TET2: variants seen among roughly 807,000 people sequenced by gnomAD.
The protein encoded by TET2 is tet methylcytosine dioxygenase 2, also known as methylcytosine dioxygenase TET2.
Under a neutral mutation model 142.9 loss-of-function variants are expected in TET2, and 299 were observed. The observed-to-expected ratio is 2.09, with a 90% CI of 1.90 to 2.30. TET2 has a LOEUF of 2.30. TET2 is among the 30% of genes most tolerant of loss of function. The pLI, the probability that TET2 is intolerant of heterozygous loss-of-function variation, is 0.00. For missense variants in TET2, 2,418 were observed against 2,378.0 expected (o/e 1.02, Z -0.35); for synonymous variants, 819 against 849.0 (o/e 0.96, Z 0.61).
At chr4:105,257,572 GATTAGCCTTT>G (rs1730203248) in intron 6 of TET2, among the ~76,000 whole-genome samples, 1 of 152,064 alleles carries the variant, frequency 6.6e-6, no homozygotes, top group Non-Finnish European at 1.5e-5. Flanking sequence ...TGCAGCTCTG[GATTAGCCTTT>G]ATTCCCTGCT....
chr4:105,274,877 A>G (rs1731121908), intron 10 of TET2, among the ~76,000 whole-genome samples, 171 bp from the exon 11 acceptor site: 1 of 152,172 alleles, frequency 6.6e-6, no homozygotes, highest in Non-Finnish European at 1.5e-5. Context: ...TAGACAAAAA[A>G]TTGTGCTGGA....
Position 105,240,218 on chromosome 4 carries a change from T to A in TET2, c.3410-1121T>A, listed in dbSNP as rs530186316. ...ATGCTGTTGAAAAAAATGACACTGA[T>A]AGACATACTTAACACGTGGGATTGC... On this transcript the variant is annotated intron_variant, in intron 3 of 10. Transcript: ENST00000380013. 19 of 368,570 alleles carry A rather than the reference T, an allele frequency of 5.2e-5. 1 individual carries two copies. The highest frequency in any genetic ancestry group is 4.0e-4 in the African/African-American group (19 of 46,968). The allele number at this position is 368,570 out of a possible 1,614,324, so 22.8% of individuals were successfully genotyped here.
At chr4:105,241,494 A>G (rs2110249689) in intron 4 of TET2, 65 bp downstream of exon 4, 1 of 1,508,746 alleles carries the variant, frequency 6.6e-7, no homozygotes, top group East Asian at 2.5e-5. Context: ...GAATTTTTCC[A>G]GCCTTCACAC....
At chr4:105,201,512 T>C (rs1726464042) in intron 2 of TET2, among the ~76,000 whole-genome samples, 1 of 152,204 alleles carries the variant, frequency 6.6e-6, no homozygotes, top group Admixed American at 6.5e-5. Context: ...TATCAGTTGC[T>C]AACATTTAAA....
At position 105,235,755 on chromosome 4, in the gene TET2, T is replaced by TA; in HGVS notation, c.1814dup (p.Tyr605Ter). 1 of 1,614,052 alleles carries TA rather than the reference T, an allele frequency of 6.2e-7. No individual in the cohort carries two copies. Among genetic ancestry groups the TA allele is most frequent in the Non-Finnish European group, 8.5e-7 (1 of 1,179,988 alleles). Reference protein sequence around the residue: ...NLSNQMTSKQYTGNSNMPGGL... With the variant: ...NLSNQMTSKQ ...CTCCAATCAAATGACCTCCAAACAA[T>TA]ACACTGGAAATTCCAACATGCCTGG... is the stretch of plus-strand genomic sequence containing the variant. The change falls in exon 3 of 11, where the codon TAC becomes TAAC. Residue 605 changes from tyrosine to a stop codon, truncating the protein, a stop_gained and frameshift_variant. Transcript: ENST00000380013. LOFTEE classifies it high-confidence loss of function.
At chr4:105,224,081 C>T (rs180844622) in intron 2 of TET2, among the ~76,000 whole-genome samples, 69 of 151,666 alleles carry the variant, frequency 4.5e-4, no homozygotes, top group Non-Finnish European at 7.8e-4. Context: ...ACTCTTTTGT[C>T]CCCTTGAAAA....
chr4:105,263,212 A>G (rs1018205131), intron 8 of TET2, among the ~76,000 whole-genome samples: 1 of 152,210 alleles, frequency 6.6e-6, no homozygotes, highest in Non-Finnish European at 1.5e-5. Context: ...CGCTAAATAA[A>G]GATCTTTGAA....
intron 2 of TET2, 24 bp downstream of exon 2, chr4:105,190,529 A>G (rs1244704542): frequency 2.9e-6 from 2 of 696,748 alleles, no homozygotes; most frequent in Non-Finnish European, 2.6e-6. Flanking sequence ...GACAGTTGAC[A>G]CTTGTTTGTC....
At position 105,272,900 on chromosome 4, in the gene TET2, CAG is replaced by C; in HGVS notation, c.4520_4521del (p.Gln1507ArgfsTer2). 1 of 1,533,494 alleles carries C rather than the reference CAG, an allele frequency of 6.5e-7. No individual in the cohort carries two copies. The highest frequency in any genetic ancestry group is 8.8e-7 in the Non-Finnish European group (1 of 1,139,942). The allele number at this position is 1,533,494 out of a possible 1,614,324, so 95.0% of individuals were successfully genotyped here. A position where few individuals can be genotyped will look rare whatever the true frequency, so the allele number is the denominator to read the frequency against. ...TACAAAACAAACTGAAAACGCAAGCCAGGCTAAACAGTTGGCAGGTAAATTTA... is the reference window on the plus strand; with the variant it reads ...TACAAAACAAACTGAAAACGCAAGCCGCTAAACAGTTGGCAGGTAAATTTA... ...SRTKQTENAS[Q>X]AKQLAELLRL... On this transcript the variant is annotated frameshift_variant, in exon 10 of 11. Transcript: ENST00000380013. LOFTEE classifies it low-confidence loss of function (END_TRUNC).
chr4:105,159,784 G>A (rs1723751420), intron 1 of TET2, among the ~76,000 whole-genome samples: 1 of 152,114 alleles, frequency 6.6e-6, no homozygotes, highest in African/African-American at 2.4e-5. Context: ...GGGAGGCCAA[G>A]GCGGGTGGCA....
rs2110311476 is a variant in TET2 at position 105,275,094 on chromosome 4, C to T, written c.4584C>T (p.Pro1528=). The change falls in exon 11 of 11, where the codon CCC becomes CCT. Residue 1528 remains proline, a synonymous_variant. Coordinates refer to ENST00000380013, the MANE Select transcript of TET2 (RefSeq NM_001127208.3). ...SGPVMQQSQQ[P]QPLQKQPPQP... ...CAGTCATGCAGCAGTCCCAGCAGCC[C>T]CAGCCTCTACAGAAGCAGCCACCAC... 1 of 1,550,422 alleles carries T rather than the reference C, an allele frequency of 6.4e-7. No individual in the cohort carries two copies. Among genetic ancestry groups the T allele is most frequent in the South Asian group, 1.2e-5 (1 of 83,788 alleles).
chr4:105,223,638 G>A (rs1317813470), intron 2 of TET2, among the ~76,000 whole-genome samples: 4 of 152,148 alleles, frequency 2.6e-5, no homozygotes, highest in Non-Finnish European at 5.9e-5. Context: ...CTTGAAATAA[G>A]TGTATAATTG....
chr4:105,220,720 G>A (rs574660916), intron 2 of TET2, among the ~76,000 whole-genome samples: 31 of 152,272 alleles, frequency 2.0e-4, no homozygotes, highest in African/African-American at 7.5e-4. Flanking sequence ...CCGAATACTG[G>A]CTTTCTTGAC....
chr4:105,193,123 G>A lies in TET2; in HGVS notation c.-47+2618G>A, dbSNP rs1211131258. Among the ~76,000 whole-genome samples, 4 of 152,176 alleles carry A rather than the reference G, an allele frequency of 2.6e-5. No individual in the cohort carries two copies. The East Asian group carries it at 7.7e-4, about 29-fold the overall frequency. ...AGCAAGGTCCATCTGGACTATAACA[G>A]AGGAGGCTTCACAAAGGAAGGTGAC... is the stretch of plus-strand genomic sequence containing the variant. On this transcript the variant is annotated intron_variant, in intron 2 of 10. Coordinates refer to ENST00000380013, the MANE Select transcript of TET2 (RefSeq NM_001127208.3).
chr4:105,241,750 T>C, intron 4 of TET2: 1 of 1,253,396 alleles, frequency 8.0e-7, no homozygotes, highest in Non-Finnish European at 1.0e-6. Flanking sequence ...GGTCCCACTC[T>C]GGCTTTCCCA....
chr4:105,246,841 C>CT (rs1729607251), intron 6 of TET2, among the ~76,000 whole-genome samples: 7 of 152,228 alleles, frequency 4.6e-5, no homozygotes, highest in Admixed American at 4.6e-4. Flanking sequence ...GAAAAGAACT[C>CT]TGAGTGCATC....
Position 105,275,717 on chromosome 4 carries a change from C to T in TET2, c.5207C>T (p.Ala1736Val), listed in dbSNP as rs2110314265. ...THEMDGHFMGATSRLPPNLSN... is the reference protein window; with the variant it reads ...THEMDGHFMGVTSRLPPNLSN... ...GAGATGGATGGCCACTTCATGGGAG[C>T]CACCTCTAGATTACCACCCAATCTG... The change falls in exon 11 of 11, where the codon GCC (alanine) becomes GTC (valine). Residue 1736 changes from alanine to valine, a missense_variant. Coordinates refer to ENST00000380013, the MANE Select transcript of TET2 (RefSeq NM_001127208.3). 1 of 1,551,678 alleles carries T rather than the reference C, an allele frequency of 6.4e-7. No individual in the cohort carries two copies. The highest frequency in any genetic ancestry group is 8.7e-7 in the Non-Finnish European group (1 of 1,146,920).
chr4:105,247,973 T>C (rs1191936544), intron 6 of TET2, among the ~76,000 whole-genome samples: 3 of 152,120 alleles, frequency 2.0e-5, no homozygotes, highest in Admixed American at 1.3e-4. Flanking sequence ...CCGCCCACCT[T>C]GGCCTCCCAA....
chr4:105,236,347 TC>T lies in TET2; in HGVS notation c.2407del (p.Gln803LysfsTer10), dbSNP rs774973037. The T allele has an allele frequency of 6.2e-7, 1 of 1,613,870 alleles. No homozygotes were observed. ...SKSSEFETHN[V>X]QMGLEEVQNI... ...TCAAGCGAGTTCGAGACTCATAATG[TC>T]CAAATGGGACTGGAGGAAGTACAGA... is the stretch of plus-strand genomic sequence containing the variant. On this transcript the variant is annotated frameshift_variant, in exon 3 of 11. Transcript: ENST00000380013. LOFTEE classifies it high-confidence loss of function.
Sources: gnomAD v4.1 joint callset for allele counts (sites outside exome capture counted in the v4.1 genomes callset) on GRCh38, gnomAD v4.1.1 for gene constraint, MANE v1.5 for transcripts, NCBI Gene and HGNC (gene_info 2026-07-23, HGNC 2026-07-21) for gene names.